The following B3GALT1 variants were observed in gnomAD, a reference collection of about 807,000 sequenced individuals.
B3GALT1 encodes UDP-Gal:betaGlcNAc beta 1,3-galactosyltransferase, polypeptide 1.
A neutral mutation model predicts 23.2 loss-of-function variants in B3GALT1; 10 were observed. The observed-to-expected ratio is 0.43, with a 90% CI of 0.27 to 0.73. The LOEUF (loss-of-function observed/expected upper bound fraction) is 0.73. B3GALT1 is among the 30% of genes least tolerant of loss of function. The pLI is 0.21. For synonymous variants in B3GALT1, 156 were observed against 141.5 expected, an observed-to-expected ratio of 1.10 and a Z score of -0.73; for missense variants, 299 against 405.4, an observed-to-expected ratio of 0.74 and a Z score of 2.25.
intron 1 of B3GALT1, among the ~76,000 whole-genome samples, chr2:167,403,213 C>T (rs1354678923): frequency 7.1e-6 from 1 of 140,506 alleles, no homozygotes; most frequent in African/African-American, 2.6e-5. Context: ...TGATGTTCCC[C>T]ATCTTGTGTC....
intron 3 of B3GALT1, among the ~76,000 whole-genome samples, chr2:167,656,860 A>ATTT (rs750551310): frequency 6.6e-6 from 1 of 152,076 alleles, no homozygotes. Context: ...GGATGAATAG[A>ATTT]TTTTTTGTCT....
At chr2:167,855,096 A>T (rs1333028547) in intron 4 of B3GALT1, among the ~76,000 whole-genome samples, 1 of 152,172 alleles carries the variant, frequency 6.6e-6, no homozygotes, top group Non-Finnish European at 1.5e-5. Flanking sequence ...TGCAGTTTTC[A>T]TTTAAAAATA....
intron 2 of B3GALT1, among the ~76,000 whole-genome samples, chr2:167,526,237 C>T (rs1002752263): frequency 3.9e-5 from 6 of 152,054 alleles, no homozygotes; most frequent in Admixed American, 2.0e-4. Flanking sequence ...GTATCTATCC[C>T]TCTGTTTATA....
chr2:167,436,682 T>C (rs1453238165), intron 1 of B3GALT1, among the ~76,000 whole-genome samples: 1 of 152,130 alleles, frequency 6.6e-6, no homozygotes, highest in East Asian at 1.9e-4. Context: ...TCTTACTTTG[T>C]ATACAGGTAA....
chr2:167,359,580 G>A (rs899185), intron 1 of B3GALT1, among the ~76,000 whole-genome samples: 128,665 of 152,164 alleles, frequency 0.85, 55,116 homozygotes, highest in East Asian at 0.95. Context: ...ATGGGCAGCA[G>A]CTAAGCTGCC....
At chr2:167,543,809 G>C (rs949765031) in intron 2 of B3GALT1, among the ~76,000 whole-genome samples, 1 of 152,202 alleles carries the variant, frequency 6.6e-6, no homozygotes, top group Admixed American at 6.5e-5. Context: ...ACTTGGACCT[G>C]CTATAAGCGC....
intron 2 of B3GALT1, among the ~76,000 whole-genome samples, chr2:167,645,134 A>T (rs1184300112): frequency 1.3e-5 from 2 of 152,146 alleles, no homozygotes; most frequent in African/African-American, 4.8e-5. Context: ...GAGGCCGGCA[A>T]GAGTAAGGGT....
intron 2 of B3GALT1, among the ~76,000 whole-genome samples, chr2:167,499,932 T>C (rs4667955): frequency 2.0e-5 from 3 of 152,046 alleles, no homozygotes; most frequent in Non-Finnish European, 2.9e-5. Context: ...TTTCTACTAC[T>C]AGAAGTTTAA....
intron 3 of B3GALT1, among the ~76,000 whole-genome samples, chr2:167,663,239 T>A (rs9679502): frequency 0.41 from 61,740 of 151,258 alleles, 13,654 homozygotes; most frequent in Middle Eastern, 0.6. Flanking sequence ...GATAGTTTAC[T>A]GAGAATGATG....
At position 167,523,520 on chromosome 2, in the gene B3GALT1, C is replaced by G. The variant is rs117857192; in HGVS notation, c.-410+33243C>G. Among the ~76,000 whole-genome samples the G allele has an allele frequency of 2.8e-3, 428 of 151,798 alleles. 16 individuals carry two copies. In the East Asian group the frequency reaches 0.064, roughly 23 times the overall value. ...AGCTTACTGCAACTTCCGCGTCCCACGTTGAAGCAATTCTCCTGCCTCAGC... is the reference window on the plus strand; with the variant it reads ...AGCTTACTGCAACTTCCGCGTCCCAGGTTGAAGCAATTCTCCTGCCTCAGC... On this transcript the variant is annotated intron_variant, in intron 2 of 4. Transcript: ENST00000392690.
At chr2:167,851,402 ACATCTT>A (rs1476885729) in intron 4 of B3GALT1, among the ~76,000 whole-genome samples, 1 of 152,230 alleles carries the variant, frequency 6.6e-6, no homozygotes, top group African/African-American at 2.4e-5. Context: ...AAGTCACAGA[ACATCTT>A]AACTGTCCAC....
At chr2:167,746,006 T>A (rs1379944230) in intron 3 of B3GALT1, among the ~76,000 whole-genome samples, 3 of 152,210 alleles carry the variant, frequency 2.0e-5, no homozygotes, top group Non-Finnish European at 4.4e-5. Context: ...TGGTATCAGA[T>A]CTAAGTCTTC....
chr2:167,800,282 C>G (rs970156391), intron 3 of B3GALT1, among the ~76,000 whole-genome samples: 3 of 152,160 alleles, frequency 2.0e-5, no homozygotes, highest in African/African-American at 7.2e-5. Context: ...ATAGCCAGTG[C>G]TCAGCATCCT....
intron 4 of B3GALT1, among the ~76,000 whole-genome samples, chr2:167,830,853 C>T (rs1380211363): frequency 2.0e-5 from 3 of 152,208 alleles, no homozygotes; most frequent in East Asian, 1.9e-4. Context: ...GAAGCAGCAG[C>T]GTGAGGTGTT....
rs145688940 is a variant in B3GALT1 at position 167,495,979 on chromosome 2, C to G, written c.-410+5702C>G. Among the ~76,000 whole-genome samples the G allele has an allele frequency of 2.0e-5, 3 of 152,244 alleles. No individual in the cohort carries two copies. In the East Asian group the frequency reaches 5.8e-4, roughly 29 times the overall value. Reference sequence around the variant, plus strand: ...AACCTTTAAATATAGGTACAATTTGCTTTTCCAGAACATGAAAGTAGAAGA... The same window carrying G: ...AACCTTTAAATATAGGTACAATTTGGTTTTCCAGAACATGAAAGTAGAAGA... On this transcript the variant is annotated intron_variant, in intron 2 of 4. Coordinates refer to ENST00000392690, the MANE Select transcript of B3GALT1 (RefSeq NM_020981.4).
chr2:167,383,948 A>G (rs1452008645), intron 1 of B3GALT1, among the ~76,000 whole-genome samples: 1 of 152,240 alleles, frequency 6.6e-6, no homozygotes, highest in Non-Finnish European at 1.5e-5. Flanking sequence ...ATATAACACT[A>G]CTATAACACT....
chr2:167,408,904 A>G (rs1218483683), intron 1 of B3GALT1, among the ~76,000 whole-genome samples: 1 of 152,148 alleles, frequency 6.6e-6, no homozygotes, highest in Non-Finnish European at 1.5e-5. Flanking sequence ...TTGCATGTTC[A>G]TGGGTTGGAA....
chr2:167,370,321 A>G (rs535580231), intron 1 of B3GALT1, among the ~76,000 whole-genome samples: 62 of 152,346 alleles, frequency 4.1e-4, no homozygotes, highest in African/African-American at 1.3e-3. Context: ...TTGCAGGGGC[A>G]TATATAACAC....
At chr2:167,863,556 G>C (rs1690147692) in intron 4 of B3GALT1, among the ~76,000 whole-genome samples, 1 of 152,170 alleles carries the variant, frequency 6.6e-6, no homozygotes, top group Admixed American at 6.5e-5. Flanking sequence ...CCACAAGTCA[G>C]AATTACTCAA....
Sources: allele counts gnomAD v4.1 joint callset (sites outside exome capture counted in the v4.1 genomes callset), GRCh38; gene constraint gnomAD v4.1.1; transcripts MANE v1.5; gene names NCBI Gene and HGNC (gene_info 2026-07-23, HGNC 2026-07-21).